Variants in FANCD2 observed in about 807,000 individuals in gnomAD.
The protein encoded by FANCD2 is FA complementation group D2, also known as Fanconi anemia group D2 protein.
In FANCD2, 131 loss-of-function variants were observed where a neutral mutation model predicts 192.3. The ratio of observed to expected loss-of-function variants is 0.68; its 90% CI spans 0.59 to 0.79. The LOEUF (loss-of-function observed/expected upper bound fraction) is 0.79, where lower values mean the gene tolerates loss of function less well. FANCD2 is among the 30% of genes least tolerant of loss of function. FANCD2 has a pLI of 0.00. For synonymous variants in FANCD2, 524 were observed against 612.5 expected, an observed-to-expected ratio of 0.86 and a Z score of 2.13; for missense variants, 1,508 against 1,701.6, an observed-to-expected ratio of 0.89 and a Z score of 2.00.
At chr3:10,093,992 C>T (rs1439657218) in intron 39 of FANCD2, among the ~76,000 whole-genome samples, 2 of 152,156 alleles carry the variant, frequency 1.3e-5, no homozygotes, top group Non-Finnish European at 2.9e-5. Flanking sequence ...AGTAAGTTAT[C>T]CTCAGATAGA....
At chr3:10,033,846 C>G (rs865800739) in intron 3 of FANCD2, among the ~76,000 whole-genome samples, 1 of 151,142 alleles carries the variant, frequency 6.6e-6, no homozygotes, top group Non-Finnish European at 1.5e-5. Flanking sequence ...TACAGGCGCC[C>G]GCCACCATGC....
At chr3:10,064,684 G>C in intron 22 of FANCD2, 45 bp from the exon 23 acceptor site, 1 of 1,607,676 alleles carries the variant, frequency 6.2e-7, no homozygotes, top group Non-Finnish European at 8.5e-7. Context: ...CTGTAGCCTT[G>C]CGTATTCCTG....
chr3:10,034,742 A>C lies in FANCD2; in HGVS notation c.321A>C (p.Glu107Asp). The change falls in exon 5 of 44, where the codon GAA becomes GAC. Residue 107 changes from glutamate (E) to aspartate (D), a missense_variant. By Grantham distance (45) the Glu-to-Asp change is conservative. This residue lies in a region of FANCD2 where 435 missense variants were observed against 421.9 expected (regional missense o/e 1.03). Transcript: ENST00000675286. The stretch of plus-strand genomic sequence containing the variant: ...GCCTGGAGTCTTACATTGAGGATGA[A>C]GACAGTTTCAGGAACTGCCTTTTGT... ...VSGLESYIED[E>D]DSFRNCLLSC... 1 of 1,572,904 alleles carries C rather than the reference A, an allele frequency of 6.4e-7. No homozygotes were observed. Among genetic ancestry groups the C allele is most frequent in the Non-Finnish European group, 8.6e-7 (1 of 1,158,864 alleles).
intron 5 of FANCD2, 69 bp downstream of exon 5, chr3:10,034,867 G>A (rs1180523506): frequency 1.8e-6 from 2 of 1,104,468 alleles, no homozygotes; most frequent in Admixed American, 2.0e-5. Flanking sequence ...GGCTGGGGAG[G>A]GAGAGCACAG....
At chr3:10,054,173 C>T (rs2087303850) in intron 18 of FANCD2, among the ~76,000 whole-genome samples, 1 of 151,354 alleles carries the variant, frequency 6.6e-6, no homozygotes, top group South Asian at 2.1e-4. Flanking sequence ...GTTTGTGCCA[C>T]TGCACTCCAG....
At chr3:10,039,403 C>A in intron 8 of FANCD2, 46 bp downstream of exon 8, 1 of 1,465,030 alleles carries the variant, frequency 6.8e-7, no homozygotes, top group Non-Finnish European at 9.5e-7. Context: ...GTATGTTTCT[C>A]ATATCTTTTG....
At chr3:10,040,721 C>G in intron 9 of FANCD2, 1 of 360,564 alleles carries the variant, frequency 2.8e-6, no homozygotes, top group East Asian at 7.6e-5. Flanking sequence ...TTTTTAAATT[C>G]AGTTTGTAAT....
At chr3:10,057,549 G>C (rs2087449528) in intron 18 of FANCD2, among the ~76,000 whole-genome samples, 1 of 151,996 alleles carries the variant, frequency 6.6e-6, no homozygotes, top group South Asian at 2.1e-4. Context: ...ATTTTTAGTA[G>C]AGACGGGGTT....
At chr3:10,080,938 A>G (rs1300855678) in intron 30 of FANCD2, among the ~76,000 whole-genome samples, 162 bp from the exon 31 acceptor site, 2 of 152,224 alleles carry the variant, frequency 1.3e-5, no homozygotes, top group Non-Finnish European at 2.9e-5. Flanking sequence ...AGATGGAGCA[A>G]GATTTTTATC....
chr3:10,066,010 T>C, intron 25 of FANCD2, 31 bp downstream of exon 25: 1 of 1,356,472 alleles, frequency 7.4e-7, no homozygotes, highest in Non-Finnish European at 1.1e-6. Context: ...GTTTCACTTA[T>C]TGTGCATAGT....
chr3:10,066,254 C>T (rs2087716771), intron 25 of FANCD2, among the ~76,000 whole-genome samples: 1 of 152,226 alleles, frequency 6.6e-6, no homozygotes, highest in Non-Finnish European at 1.5e-5. Context: ...AACTACTGTT[C>T]GTCCTGGCAC....
At chr3:10,044,594 A>G (rs1339513290) in intron 14 of FANCD2, among the ~76,000 whole-genome samples, 2 of 151,952 alleles carry the variant, frequency 1.3e-5, no homozygotes, top group Non-Finnish European at 2.9e-5. Context: ...CTCAAAAGAT[A>G]AAAAGCCGGA....
At chr3:10,031,325 A>T (rs1022504148) in intron 2 of FANCD2, among the ~76,000 whole-genome samples, 5 of 152,062 alleles carry the variant, frequency 3.3e-5, no homozygotes, top group African/African-American at 9.7e-5. Context: ...AACATGGTGA[A>T]ACCCCGTCTC....
intron 35 of FANCD2, 51 bp downstream of exon 35, chr3:10,088,593 C>T: frequency 7.6e-7 from 1 of 1,322,210 alleles, no homozygotes; most frequent in Non-Finnish European, 1.1e-6. Flanking sequence ...TTCTATTTTG[C>T]TACTGTTGTT....
intron 36 of FANCD2, 32 bp from the exon 37 acceptor site, chr3:10,090,260 G>T (rs1297903725): frequency 6.7e-7 from 1 of 1,501,966 alleles, no homozygotes; most frequent in Non-Finnish European, 9.3e-7. Flanking sequence ...GTGCATCATG[G>T]TGTGGGCACG....
intron 18 of FANCD2, among the ~76,000 whole-genome samples, chr3:10,054,439 GTATATACATATATATA>G (rs1559383334): frequency 6.5e-4 from 26 of 40,282 alleles, no homozygotes; most frequent in African/African-American, 5.1e-3. Context: ...GTATATACAT[GTATATACATATATATA>G]TATATATATA....
chr3:10,077,950 C>G (rs1220422573), intron 29 of FANCD2, 131 bp from the exon 30 acceptor site: 1 of 747,670 alleles, frequency 1.3e-6, no homozygotes. Context: ...GGGAGGATAA[C>G]TTGGGCCCAG....
intron 1 of FANCD2, among the ~76,000 whole-genome samples, chr3:10,027,274 A>AG (rs2086475732): frequency 6.6e-6 from 1 of 152,212 alleles, no homozygotes; most frequent in Admixed American, 6.5e-5. Flanking sequence ...CCTGTGGAGC[A>AG]GGGAAGCTGC....
chr3:10,028,251 T>C (rs1389849333), intron 1 of FANCD2, among the ~76,000 whole-genome samples: 1 of 152,178 alleles, frequency 6.6e-6, no homozygotes, highest in African/African-American at 2.4e-5. Context: ...ACAGGGATCA[T>C]GTCTGTCTAG....
Sources: gnomAD v4.1 joint callset for allele counts (sites outside exome capture counted in the v4.1 genomes callset) on GRCh38, gnomAD v4.1.1 for gene constraint, gnomAD v4.1.1 regional missense constraint, MANE v1.5 for transcripts, NCBI Gene and HGNC (gene_info 2026-07-23, HGNC 2026-07-21) for gene names.